The following CDC42BPA variants were observed in gnomAD, a reference collection of about 807,000 sequenced individuals.
CDC42BPA encodes the protein CDC42 binding protein kinase alpha, also known as serine/threonine-protein kinase MRCK alpha.
Under a neutral mutation model 223.5 loss-of-function variants are expected in CDC42BPA, and 80 were observed. The ratio of observed to expected loss-of-function variants is 0.36; its 90% confidence interval spans 0.30 to 0.43. The LOEUF is 0.43. Among genes scored for constraint, CDC42BPA ranks in the 20% least tolerant of loss-of-function variants. CDC42BPA has a pLI of 1.00. For synonymous variants in CDC42BPA, 694 were observed against 718.6 expected (o/e 0.97, Z 0.55); for missense variants, 1,743 against 2,099.9 (o/e 0.83, Z 3.32).
chr1:227,051,878 C>A lies in CDC42BPA; in HGVS notation c.3009+3G>T, dbSNP rs781205424. On this transcript the variant is annotated splice_donor_region_variant and intron_variant, in intron 22 of 36. Coordinates refer to ENST00000366766, the MANE Select transcript of CDC42BPA (RefSeq NM_001394014.1). ...GGGGAGCAGGGATGCTCCAATAAGGCACCTTAACTGGCTCAGCTTCACTAG... is the reference window on the plus strand; with the variant it reads ...GGGGAGCAGGGATGCTCCAATAAGGAACCTTAACTGGCTCAGCTTCACTAG... The A allele has an allele frequency of 7.3e-7, 1 of 1,361,622 alleles. No individual in the cohort carries two copies. Among genetic ancestry groups the A allele is most frequent in the Non-Finnish European group, 9.8e-7 (1 of 1,017,472 alleles). 84.3% of individuals were successfully genotyped at this position (1,361,622 alleles called of 1,614,324 possible). A position where few individuals can be genotyped will look rare whatever the true frequency, so the allele number is the denominator to read the frequency against.
intron 16 of CDC42BPA, among the ~76,000 whole-genome samples, chr1:227,082,979 T>G (rs1053820415): frequency 6.6e-6 from 1 of 152,174 alleles, no homozygotes; most frequent in African/African-American, 2.4e-5. Context: ...TAGAATTTTA[T>G]GTTGGTTGGT....
chr1:227,126,464 AAAGGAAGGAAGGAAGG>A (rs143254580), intron 11 of CDC42BPA, among the ~76,000 whole-genome samples: 14,571 of 130,438 alleles, frequency 0.11, 866 homozygotes, highest in Middle Eastern at 0.14. Context: ...GCAGTACAAG[AAAGGAAGGAAGGAAGG>A]AAGGAAGGAA....
At chr1:227,050,372 T>C (rs1435259050) in intron 22 of CDC42BPA, among the ~76,000 whole-genome samples, 3 of 152,072 alleles carry the variant, frequency 2.0e-5, no homozygotes, top group Non-Finnish European at 2.9e-5. Context: ...GGAGTGAAAA[T>C]TGGTCCAACC....
At chr1:227,109,311 T>C (rs1305419539) in intron 14 of CDC42BPA, among the ~76,000 whole-genome samples, 1 of 152,222 alleles carries the variant, frequency 6.6e-6, no homozygotes, top group African/African-American at 2.4e-5. Context: ...TTTAAAACTT[T>C]CTGAACTCTT....
intron 34 of CDC42BPA, among the ~76,000 whole-genome samples, chr1:227,013,518 G>A (rs1665618445): frequency 6.6e-6 from 1 of 151,860 alleles, no homozygotes; most frequent in South Asian, 2.1e-4. Flanking sequence ...TAGTCTTATT[G>A]GATATGAAGG....
intron 4 of CDC42BPA, among the ~76,000 whole-genome samples, chr1:227,196,641 A>C (rs1670806451): frequency 6.6e-6 from 1 of 152,020 alleles, no homozygotes; most frequent in African/African-American, 2.4e-5. Flanking sequence ...GCCCGGCCCT[A>C]AACAATACTT....
intron 5 of CDC42BPA, among the ~76,000 whole-genome samples, chr1:227,179,395 G>A (rs1667512528): frequency 6.6e-6 from 1 of 151,968 alleles, no homozygotes; most frequent in African/African-American, 2.4e-5. Flanking sequence ...CCAGCACTTT[G>A]GGAGGCCGAG....
Position 227,046,882 on chromosome 1 carries a change from T to C in CDC42BPA, c.3093+1045A>G, listed in dbSNP as rs1672551151. On this transcript the variant is annotated intron_variant, in intron 23 of 36. Transcript: ENST00000366766. ...TTGTACTTTCCTTGGGTATCTTAAATGTGTTATTTCACTGCTGTTGTTTTT... is the reference window on the plus strand; with the variant it reads ...TTGTACTTTCCTTGGGTATCTTAAACGTGTTATTTCACTGCTGTTGTTTTT... Among the ~76,000 whole-genome samples, 3 of 146,724 alleles carry C rather than the reference T, an allele frequency of 2.0e-5. No individual in the cohort carries two copies. The South Asian group carries it at 6.5e-4, about 32-fold the overall frequency.
At chr1:226,995,394 T>C (rs1368348467) in intron 35 of CDC42BPA, among the ~76,000 whole-genome samples, 2 of 152,170 alleles carry the variant, frequency 1.3e-5, no homozygotes, top group Non-Finnish European at 1.5e-5. Context: ...TGCCTGTCAT[T>C]CTCCCAATAG....
At chr1:227,269,503 T>C (rs770866564) in intron 1 of CDC42BPA, among the ~76,000 whole-genome samples, 1 of 152,116 alleles carries the variant, frequency 6.6e-6, no homozygotes, top group Non-Finnish European at 1.5e-5. Context: ...GAAGTATTAA[T>C]AATAAAAAGA....
chr1:227,173,493 A>C (rs1404012521), intron 5 of CDC42BPA, among the ~76,000 whole-genome samples: 1 of 152,268 alleles, frequency 6.6e-6, no homozygotes, highest in South Asian at 2.1e-4. Flanking sequence ...TCTGGAAAGG[A>C]CTGGAGACTA....
intron 15 of CDC42BPA, among the ~76,000 whole-genome samples, chr1:227,100,782 G>A (rs1553337949): frequency 6.7e-6 from 1 of 149,344 alleles, no homozygotes; most frequent in African/African-American, 2.5e-5. Context: ...GTGTGTGCGT[G>A]TGCCATCATA....
At chr1:227,042,664 A>T (rs151131050) in intron 23 of CDC42BPA, among the ~76,000 whole-genome samples, 1 of 152,280 alleles carries the variant, frequency 6.6e-6, no homozygotes, top group Non-Finnish European at 1.5e-5. Context: ...TAGAGTCTAG[A>T]TTCCTTGGCT....
chr1:227,260,110 G>A (rs116295025), intron 1 of CDC42BPA, among the ~76,000 whole-genome samples: 1,737 of 150,410 alleles, frequency 0.012, 25 homozygotes, highest in Non-Finnish European at 0.016. Flanking sequence ...GCAAAGACAG[G>A]ATTAAAACTC....
intron 2 of CDC42BPA, among the ~76,000 whole-genome samples, chr1:227,249,416 A>T (rs1681570816): frequency 6.6e-6 from 1 of 152,232 alleles, no homozygotes; most frequent in Non-Finnish European, 1.5e-5. Flanking sequence ...AAAATGGACA[A>T]ATAAGATGAC....
At chr1:226,997,309 T>C (rs1248729016) in intron 35 of CDC42BPA, among the ~76,000 whole-genome samples, 1 of 152,204 alleles carries the variant, frequency 6.6e-6, no homozygotes, top group African/African-American at 2.4e-5. Flanking sequence ...GATCTCCCCT[T>C]TATCATTTTT....
intron 35 of CDC42BPA, among the ~76,000 whole-genome samples, chr1:227,002,515 C>T (rs971696866): frequency 2.0e-5 from 3 of 152,164 alleles, no homozygotes; most frequent in African/African-American, 7.2e-5. Context: ...GATGATCGTC[C>T]CTTCTAGTAT....
At chr1:227,186,188 T>A (rs1025498120) in intron 5 of CDC42BPA, among the ~76,000 whole-genome samples, 2 of 152,138 alleles carry the variant, frequency 1.3e-5, no homozygotes, top group African/African-American at 2.4e-5. Context: ...AGCCCAGTCA[T>A]AGGGAGGCCG....
chr1:227,277,169 C>T (rs926414314), intron 1 of CDC42BPA, among the ~76,000 whole-genome samples: 14 of 150,196 alleles, frequency 9.3e-5, no homozygotes, highest in South Asian at 2.1e-4. Flanking sequence ...AAAAAATGTA[C>T]GCCAATAAAC....
Sources: allele counts gnomAD v4.1 joint callset (sites outside exome capture counted in the v4.1 genomes callset), GRCh38; gene constraint gnomAD v4.1.1; transcripts MANE v1.5; gene names NCBI Gene and HGNC (gene_info 2026-07-23, HGNC 2026-07-21).